GRK6: variants seen among roughly 807,000 people sequenced by gnomAD.
The protein encoded by GRK6 is G protein-coupled receptor kinase 6.
GRK6 carries 37 observed loss-of-function variants against 80.8 expected under a neutral mutation model. That is an observed-to-expected ratio of 0.46 (90% CI 0.35 to 0.60). The LOEUF (loss-of-function observed/expected upper bound fraction) is 0.60, where lower values mean the gene tolerates loss of function less well. Ranked by LOEUF, GRK6 falls within the 20% of genes least tolerant of loss-of-function variation. GRK6 has a pLI of 0.00. For missense variants in GRK6, 560 were observed against 784.6 expected, an observed-to-expected ratio of 0.71 and a Z score of 3.42; for synonymous variants, 295 against 320.9, an observed-to-expected ratio of 0.92 and a Z score of 0.86.
At chr5:177,441,455 C>T in intron 15 of GRK6, 1 of 660,336 alleles carries the variant, frequency 1.5e-6, no homozygotes, top group South Asian at 1.9e-5. Context: ...TCTCTGCCAG[C>T]CCCAGGGGAG....
At chr5:177,441,262 TC>T in intron 15 of GRK6, 1 of 1,563,968 alleles carries the variant, frequency 6.4e-7, no homozygotes, top group Admixed American at 1.9e-5. Context: ...CAGTGTGGGC[TC>T]CCCGTGGGTT....
At chr5:177,439,541 C>CAAAA (rs57996388) in intron 13 of GRK6, among the ~76,000 whole-genome samples, 1 of 67,422 alleles carries the variant, frequency 1.5e-5, no homozygotes, top group Non-Finnish European at 3.1e-5. Context: ...ACTCCCATCT[C>CAAAA]AAAAAAAAAA....
At chr5:177,440,582 C>A in intron 13 of GRK6, 118 bp from the exon 14 acceptor site, 1 of 1,259,452 alleles carries the variant, frequency 7.9e-7, no homozygotes, top group Non-Finnish European at 1.1e-6. Flanking sequence ...TTCTCCAAAT[C>A]AGAGAGCTGC....
At chr5:177,430,813 A>AC in intron 1 of GRK6, 59 bp from the exon 2 acceptor site, 1 of 1,476,526 alleles carries the variant, frequency 6.8e-7, no homozygotes. Context: ...CGCACTGAGG[A>AC]CCCAGAGGCA....
chr5:177,427,443 G>A (rs186226394), intron 1 of GRK6, among the ~76,000 whole-genome samples: 21 of 152,330 alleles, frequency 1.4e-4, no homozygotes, highest in Non-Finnish European at 2.9e-4. Context: ...ATGGATATTT[G>A]CCCTCAGGGA....
In GRK6 at chr5:177,426,911, G is replaced by C. The variant is rs1763695862; in HGVS notation, c.52+14G>C. On this transcript the variant is annotated intron_variant, in intron 1 of 15. Transcript: ENST00000355472. ...AGGCCCGGGAAGGTGAGGCGGCCGG[G>C]TGGGCGGCCGGGCCCGGGTGCGTGG... 7.3e-7 allele frequency: 1 copy of C among 1,370,452 alleles called. No individual in the cohort carries two copies. 84.9% of individuals were successfully genotyped at this position (1,370,452 alleles called of 1,614,324 possible).
chr5:177,432,236 G>A lies in GRK6; in HGVS notation c.265G>A (p.Glu89Lys), dbSNP rs747940046. ...RCVAFLDGVA[E>K]YEVTPDDKRK... The stretch of plus-strand genomic sequence containing the variant: ...TTCTTTGCTTTCCACCCTGCAGGCC[G>A]AGTATGAAGTGACCCCGGATGACAA... The change falls in exon 4 of 16, where the codon GAG becomes AAG. Residue 89 changes from glutamate (E) to lysine (K), a missense_variant. This residue lies in a region of GRK6 where 189 missense variants were observed against 230.2 expected (regional missense o/e 0.82). Coordinates refer to ENST00000355472, the MANE Select transcript of GRK6 (RefSeq NM_001004106.3). 35 of 1,613,682 alleles carry A rather than the reference G, an allele frequency of 2.2e-5. No individual in the cohort carries two copies. The highest frequency in any genetic ancestry group is 8.0e-5 in the African/African-American group (6 of 74,910).
intron 13 of GRK6, 99 bp from the exon 14 acceptor site, chr5:177,440,601 G>T: frequency 7.1e-7 from 1 of 1,415,492 alleles, no homozygotes; most frequent in Non-Finnish European, 9.8e-7. Flanking sequence ...GCTGGTGTCA[G>T]GCAGCACTAG....
At chr5:177,427,243 G>T (rs1225496312) in intron 1 of GRK6, among the ~76,000 whole-genome samples, 2 of 152,178 alleles carry the variant, frequency 1.3e-5, no homozygotes, top group African/African-American at 2.4e-5. Context: ...GATGCCCCAC[G>T]TGCCAGGGGC....
chr5:177,441,699 CCT>C (rs762027446), intron 15 of GRK6, 36 bp from the exon 16 acceptor site: 11 of 1,527,050 alleles, frequency 7.2e-6, no homozygotes, highest in Non-Finnish European at 9.1e-6. Flanking sequence ...ACCTGCTCTG[CCT>C]CTCTCCCTCC....
At chr5:177,431,890 A>G (rs772729489) in intron 2 of GRK6, 105 bp from the exon 3 acceptor site, 2 of 954,400 alleles carry the variant, frequency 2.1e-6, no homozygotes, top group South Asian at 2.6e-5. Context: ...ACCACACTGC[A>G]GAGCTGGAAG....
chr5:177,426,531 C>T (rs1266434883), upstream of GRK6: 1 of 152,074 alleles, frequency 6.6e-6, no homozygotes, highest in East Asian at 1.9e-4. Flanking sequence ...TGAGCGAGTC[C>T]CCAGCTGGGG....
At chr5:177,431,075 C>A in intron 2 of GRK6, 108 bp downstream of exon 2, 1 of 840,918 alleles carries the variant, frequency 1.2e-6, no homozygotes, top group South Asian at 1.6e-5. Flanking sequence ...CTTGGGGGCT[C>A]CAGTGAGCAG....
Position 177,435,051 on chromosome 5 carries a change from C to G in GRK6, c.987C>G (p.Asp329Glu), listed in dbSNP as rs1357556111. 1 of 1,612,832 alleles carries G rather than the reference C, an allele frequency of 6.2e-7. No individual in the cohort carries two copies. ...ACTCAGGCCACATCCGCATCTCTGA[C>G]CTGGGACTAGCTGTGCATGTGCCCG... Reference protein sequence around the residue: ...LDDHGHIRISDLGLAVHVPEG... With the variant: ...LDDHGHIRISELGLAVHVPEG... Residue 329 changes from aspartate to glutamate, a missense_variant, in exon 11 of 16, where the codon GAC (aspartate) becomes GAG (glutamate). Asp to Glu is a conservative substitution (Grantham distance 45). This residue lies in a region of GRK6 where 294 missense variants were observed against 397.4 expected (regional missense o/e 0.74). Transcript: ENST00000355472.
rs1036002404 is a variant in GRK6 at position 177,434,799 on chromosome 5, G to A, written c.930-103G>A. 6.1e-6 allele frequency: 8 copies of A among 1,315,832 alleles called. No individual in the cohort carries two copies. The African/African-American group carries it at 1.2e-4, about 19-fold the overall frequency. 81.5% of individuals were successfully genotyped at this position (1,315,832 alleles called of 1,614,324 possible). Reference sequence around the variant, plus strand: ...TGGCAGCAAATGAGTCTCGCACCTTGCTCCACACCTGGCCCCCGGAGGCGA... The same window carrying A: ...TGGCAGCAAATGAGTCTCGCACCTTACTCCACACCTGGCCCCCGGAGGCGA... On this transcript the variant is annotated intron_variant, in intron 9 of 15. Coordinates refer to ENST00000355472, the MANE Select transcript of GRK6 (RefSeq NM_001004106.3).
chr5:177,435,371 G>A (rs529925354), intron 11 of GRK6, among the ~76,000 whole-genome samples: 5 of 152,246 alleles, frequency 3.3e-5, no homozygotes, highest in South Asian at 2.1e-4. Flanking sequence ...GGTGGCTACC[G>A]GGGGATGGAG....
rs527698336 is a variant in GRK6 at position 177,442,211 on chromosome 5, T to A, written c.*421T>A. 13 of 228,434 alleles carry A rather than the reference T, an allele frequency of 5.7e-5. No individual in the cohort carries two copies. In the East Asian group the frequency reaches 1.8e-3, roughly 31 times the overall value. The allele number at this position is 228,434 out of a possible 1,614,324, so 14.2% of individuals were successfully genotyped here. A position where few individuals can be genotyped will look rare whatever the true frequency, so the allele number is the denominator to read the frequency against. On this transcript the variant is annotated 3_prime_UTR_variant, in exon 16 of 16. Coordinates refer to ENST00000355472, the MANE Select transcript of GRK6 (RefSeq NM_001004106.3). Reference sequence around the variant, plus strand: ...CTGGCCCAGCTTGGATGGCTGAGGGTGGTCACACCCCTGAGCCTTCAGCAC... The same window carrying A: ...CTGGCCCAGCTTGGATGGCTGAGGGAGGTCACACCCCTGAGCCTTCAGCAC...
At chr5:177,441,092 G>A in intron 15 of GRK6, 39 bp downstream of exon 15, 1 of 1,607,286 alleles carries the variant, frequency 6.2e-7, no homozygotes, top group Non-Finnish European at 8.5e-7. Flanking sequence ...CCCTAACCTG[G>A]CTCCAGGGGA....
chr5:177,440,528 A>G (rs1437428701), intron 13 of GRK6, among the ~76,000 whole-genome samples, 172 bp from the exon 14 acceptor site: 1 of 152,360 alleles, frequency 6.6e-6, no homozygotes, highest in South Asian at 2.1e-4. Flanking sequence ...CAGGCTTCGG[A>G]GAGAAGGGCC....
Sources: allele counts gnomAD v4.1 joint callset (sites outside exome capture counted in the v4.1 genomes callset), GRCh38; gene constraint gnomAD v4.1.1; regional missense constraint gnomAD v4.1.1; transcripts MANE v1.5; gene names NCBI Gene and HGNC (gene_info 2026-07-23, HGNC 2026-07-21).